Variants in ZNF280C observed in about 807,000 individuals in gnomAD.
ZNF280C encodes suppressor of hairy wing homolog 3.
Under a neutral mutation model 53.6 loss-of-function variants are expected in ZNF280C, and 14 were observed. The observed-to-expected ratio is 0.26, with a 90% CI of 0.17 to 0.41. The LOEUF is 0.41. Among genes scored for constraint, ZNF280C ranks in the 10% least tolerant of loss-of-function variants. The pLI is 1.00. For missense variants in ZNF280C, 416 were observed against 547.1 expected (o/e 0.76, Z 2.39); for synonymous variants, 203 against 181.1 (o/e 1.12, Z -0.97).
chrX:130,228,527 C>A (rs1033978364), intron 10 of ZNF280C, among the ~76,000 whole-genome samples: 15 of 110,445 alleles, frequency 1.4e-4, no homozygotes, highest in Non-Finnish European at 2.3e-4. Context: ...AGGTGATCAA[C>A]CCACCTCGGC....
chrX:130,246,688 C>G (rs1325643231), intron 3 of ZNF280C, among the ~76,000 whole-genome samples, 171 bp downstream of exon 3: 1 of 112,090 alleles, frequency 8.9e-6, no homozygotes, highest in East Asian at 2.8e-4. Context: ...TTACTCCAGT[C>G]CCCAACTACA....
At chrX:130,262,709 C>G (rs2032644188) in intron 1 of ZNF280C, among the ~76,000 whole-genome samples, 2 of 111,652 alleles carry the variant, frequency 1.8e-5, no homozygotes, top group Non-Finnish European at 3.8e-5. Context: ...TTTCAGCTAC[C>G]GATTCAGGTG....
At chrX:130,249,788 C>G (rs181052127) in intron 2 of ZNF280C, among the ~76,000 whole-genome samples, 1 of 111,849 alleles carries the variant, frequency 8.9e-6, no homozygotes, top group African/African-American at 3.2e-5. Context: ...CACTCTCCAA[C>G]AAGGGTTCCG....
intron 15 of ZNF280C, among the ~76,000 whole-genome samples, chrX:130,210,545 T>C (rs184545291): frequency 8.9e-6 from 1 of 112,285 alleles, no homozygotes; most frequent in African/African-American, 3.2e-5. Context: ...AGGGGGATAA[T>C]CTGAATGATC....
rs140127749 is a variant in ZNF280C at position 130,216,538 on chromosome X, G to A, written c.1528-437C>T. On this transcript the variant is annotated intron_variant, in intron 13 of 18. Coordinates refer to ENST00000370978, the MANE Select transcript of ZNF280C (RefSeq NM_017666.5). ...ATAAGCACACAAAGAGATGGTCCAC[G>A]TCATTAGTCACCAGGGAAATGCAAA... Among the ~76,000 whole-genome samples the A allele has an allele frequency of 8.4e-3, 944 of 111,996 alleles. 12 individuals carry two copies. Among genetic ancestry groups the A allele is most frequent in the African/African-American group, 0.029 (891 of 30,833 alleles).
intron 2 of ZNF280C, among the ~76,000 whole-genome samples, chrX:130,250,216 A>T (rs2032493050): frequency 8.9e-6 from 1 of 112,086 alleles, no homozygotes; most frequent in South Asian, 3.7e-4. Flanking sequence ...TCCTACCATG[A>T]CAACAAAAAG....
intron 2 of ZNF280C, among the ~76,000 whole-genome samples, chrX:130,249,390 AAC>A (rs1422762703): frequency 1.8e-4 from 20 of 111,901 alleles, no homozygotes; most frequent in African/African-American, 6.5e-4. Flanking sequence ...TGCCCTACAA[AAC>A]AGTTTGGCTG....
At chrX:130,233,163 A>G (rs2032295492) in intron 8 of ZNF280C, among the ~76,000 whole-genome samples, 1 of 111,834 alleles carries the variant, frequency 8.9e-6, no homozygotes, top group African/African-American at 3.2e-5. Context: ...AAACTCATAG[A>G]TGCAGAGAGT....
chrX:130,242,944 CTAGGAT>C (rs2032410064), intron 5 of ZNF280C, among the ~76,000 whole-genome samples: 1 of 111,721 alleles, frequency 9.0e-6, no homozygotes. Context: ...TCCCAAAGTG[CTAGGAT>C]TACAGGTGTA....
At chrX:130,237,625 T>G (rs1005313565) in intron 6 of ZNF280C, among the ~76,000 whole-genome samples, 1 of 111,771 alleles carries the variant, frequency 8.9e-6, no homozygotes, top group African/African-American at 3.2e-5. Context: ...CTCACAACTG[T>G]ACATTAATAG....
chrX:130,240,774 T>C (rs1046552079), intron 5 of ZNF280C, among the ~76,000 whole-genome samples: 2 of 111,814 alleles, frequency 1.8e-5, no homozygotes, highest in Non-Finnish European at 3.8e-5. Context: ...ATAACAAATG[T>C]AACAGTAAGG....
intron 12 of ZNF280C, among the ~76,000 whole-genome samples, chrX:130,221,162 G>A (rs1286038904): frequency 9.0e-6 from 1 of 111,263 alleles, no homozygotes; most frequent in Non-Finnish European, 1.9e-5. Flanking sequence ...TAAAGATAAG[G>A]TGTTTGCATT....
chrX:130,255,253 T>G (rs1371514610), intron 2 of ZNF280C, among the ~76,000 whole-genome samples: 8 of 100,714 alleles, frequency 7.9e-5, no homozygotes, highest in African/African-American at 2.2e-4. Context: ...CCATTCTCCT[T>G]CCTCAGCCTC....
chrX:130,230,078 C>T lies in ZNF280C; in HGVS notation c.989+432G>A, dbSNP rs947098979. 7.2e-5 allele frequency among the ~76,000 whole-genome samples: 8 copies of T among 111,489 alleles called. No homozygotes were observed. The South Asian group carries it at 2.2e-3, about 31-fold the overall frequency. ...AACACTTCTCTTTGGTTTTGGTAAA[C>T]GCCTGCAATTTATTTTAAAATGGAA... is the stretch of plus-strand genomic sequence containing the variant. On this transcript the variant is annotated intron_variant, in intron 9 of 18. Coordinates refer to ENST00000370978, the MANE Select transcript of ZNF280C (RefSeq NM_017666.5).
At chrX:130,216,172 A>T in intron 13 of ZNF280C, 71 bp from the exon 14 acceptor site, 2 of 947,726 alleles carry the variant, frequency 2.1e-6, no homozygotes, top group Non-Finnish European at 2.9e-6. Flanking sequence ...TATCATTGTA[A>T]GCCGTAAATA....
At chrX:130,225,088 A>G (rs762656874) in intron 12 of ZNF280C, among the ~76,000 whole-genome samples, 5 of 111,568 alleles carry the variant, frequency 4.5e-5, no homozygotes, top group Non-Finnish European at 7.5e-5. Flanking sequence ...ATGAAGAATG[A>G]CTACAGATCA....
At chrX:130,208,612 T>C (rs1292042536) in intron 16 of ZNF280C, among the ~76,000 whole-genome samples, 1 of 112,451 alleles carries the variant, frequency 8.9e-6, no homozygotes, top group African/African-American at 3.2e-5. Context: ...CTTTTCATTC[T>C]TATAAGCATT....
chrX:130,225,552 T>C (rs1300988822), intron 12 of ZNF280C, among the ~76,000 whole-genome samples: 3 of 110,881 alleles, frequency 2.7e-5, no homozygotes, highest in Non-Finnish European at 5.7e-5. Flanking sequence ...TAAATTTCTT[T>C]TACCAGGAAC....
At chrX:130,250,163 A>G (rs2032492286) in intron 2 of ZNF280C, among the ~76,000 whole-genome samples, 1 of 111,851 alleles carries the variant, frequency 8.9e-6, no homozygotes, top group Non-Finnish European at 1.9e-5. Flanking sequence ...ATGTAAAGAG[A>G]CCACTAAACA....
Sources: allele counts gnomAD v4.1 joint callset (sites outside exome capture counted in the v4.1 genomes callset), GRCh38; gene constraint gnomAD v4.1.1; transcripts MANE v1.5; gene names NCBI Gene and HGNC (gene_info 2026-07-23, HGNC 2026-07-21).